Variants in IMMP2L observed in about 807,000 individuals in gnomAD.
The protein encoded by IMMP2L is inner mitochondrial membrane peptidase subunit 2.
A neutral mutation model predicts 19.3 loss-of-function variants in IMMP2L; 18 were observed. The observed-to-expected ratio is 0.93, with a 90% confidence interval of 0.64 to 1.38. The LOEUF (loss-of-function observed/expected upper bound fraction) is 1.38, where lower values mean the gene tolerates loss of function less well. IMMP2L is among the 40% of genes most tolerant of loss of function. The pLI is 0.00. For synonymous variants in IMMP2L, 76 were observed against 73.0 expected (o/e 1.04, Z -0.21); for missense variants, 233 against 218.2 (o/e 1.07, Z -0.43).
chr7:110,965,731 A>G (rs1259583509), intron 3 of IMMP2L, among the ~76,000 whole-genome samples: 3 of 151,972 alleles, frequency 2.0e-5, no homozygotes, highest in African/African-American at 7.2e-5. Context: ...AGTGGTCATC[A>G]AATAATTGCA....
At chr7:111,539,255 AAAG>A (rs1337510453) in intron 1 of IMMP2L, among the ~76,000 whole-genome samples, 1 of 146,056 alleles carries the variant, frequency 6.8e-6, no homozygotes, top group African/African-American at 2.5e-5. Flanking sequence ...AGAAAGAAAG[AAAG>A]AAAGAAAGAA....
rs928864450 is a variant in IMMP2L, at chr7:110,790,735, G to A, written c.408+95858C>T. 7.9e-5 allele frequency among the ~76,000 whole-genome samples: 12 copies of A among 151,598 alleles called. No homozygotes were observed. The South Asian group carries it at 1.5e-3, about 18-fold the overall frequency. On this transcript the variant is annotated intron_variant, in intron 5 of 5. Transcript: ENST00000405709. ...ATTTTAATATGATGAATTCAGAGCC[G>A]GCAAGCAAGTCCCAGAGCAATGTTC...
chr7:111,265,194 A>T (rs1233816034), intron 3 of IMMP2L, among the ~76,000 whole-genome samples: 1 of 152,200 alleles, frequency 6.6e-6, no homozygotes, highest in East Asian at 1.9e-4. Flanking sequence ...CCAGCTGCCC[A>T]CATAAATTCA....
intron 3 of IMMP2L, among the ~76,000 whole-genome samples, chr7:111,408,185 T>G (rs1834062151): frequency 6.7e-6 from 1 of 149,364 alleles, no homozygotes; most frequent in Non-Finnish European, 1.5e-5. Flanking sequence ...ACATGGTAAG[T>G]TCCCTGTAAG....
At chr7:110,979,692 C>A (rs10227711) in intron 3 of IMMP2L, among the ~76,000 whole-genome samples, 97,154 of 150,906 alleles carry the variant, frequency 0.64, 32,153 homozygotes, top group African/African-American at 0.79. Context: ...ACTTAAAAAA[C>A]AAAACAAAAA....
chr7:111,065,922 G>A (rs1016897277), intron 3 of IMMP2L, among the ~76,000 whole-genome samples: 40 of 151,456 alleles, frequency 2.6e-4, no homozygotes, highest in African/African-American at 8.5e-4. Flanking sequence ...GTGCGCGCGC[G>A]TGTATGCGCG....
chr7:110,678,657 A>G (rs1792491946), intron 5 of IMMP2L, among the ~76,000 whole-genome samples: 1 of 152,130 alleles, frequency 6.6e-6, no homozygotes, highest in Admixed American at 6.6e-5. Flanking sequence ...CAAAGGAGCC[A>G]AGTACCCCGA....
intron 3 of IMMP2L, among the ~76,000 whole-genome samples, chr7:111,468,544 G>C (rs1175273617): frequency 1.3e-5 from 2 of 152,060 alleles, no homozygotes; most frequent in Non-Finnish European, 2.9e-5. Context: ...AAAAGAGAAT[G>C]TCTAGAGTTA....
intron 3 of IMMP2L, among the ~76,000 whole-genome samples, chr7:111,126,791 A>C (rs1374894070): frequency 1.3e-5 from 2 of 152,204 alleles, no homozygotes; most frequent in Admixed American, 6.5e-5. Flanking sequence ...CAGTTTTTAT[A>C]GGCAAATTGT....
chr7:111,359,185 C>CA (rs1829019344), intron 3 of IMMP2L, among the ~76,000 whole-genome samples: 2 of 152,228 alleles, frequency 1.3e-5, no homozygotes, highest in South Asian at 4.1e-4. Context: ...GTCAGTGATA[C>CA]AAAAATTTGA....
At chr7:111,273,315 A>G (rs2130357616) in intron 3 of IMMP2L, among the ~76,000 whole-genome samples, 1 of 152,104 alleles carries the variant, frequency 6.6e-6, no homozygotes, top group East Asian at 1.9e-4. Flanking sequence ...ATGCCGAAAC[A>G]TTACTGGAAC....
chr7:111,544,644 C>G (rs898088973), intron 1 of IMMP2L, among the ~76,000 whole-genome samples: 1 of 152,014 alleles, frequency 6.6e-6, no homozygotes, highest in Non-Finnish European at 1.5e-5. Context: ...ATTCCATTGA[C>G]TGGGAAAAAT....
intron 3 of IMMP2L, among the ~76,000 whole-genome samples, chr7:111,310,905 A>T (rs1279027300): frequency 6.6e-6 from 1 of 152,330 alleles, no homozygotes; most frequent in African/African-American, 2.4e-5. Context: ...AATTTAAAAC[A>T]GAGCATTATG....
chr7:111,499,318 T>C (rs573956442), intron 2 of IMMP2L, among the ~76,000 whole-genome samples: 1 of 152,242 alleles, frequency 6.6e-6, no homozygotes, highest in African/African-American at 2.4e-5. Context: ...ACAGGGAATA[T>C]CAATGTAATA....
chr7:111,126,410 A>C (rs528464105), intron 3 of IMMP2L, among the ~76,000 whole-genome samples: 1 of 152,314 alleles, frequency 6.6e-6, no homozygotes, highest in African/African-American at 2.4e-5. Flanking sequence ...TATAAAAATG[A>C]CACAATTCAG....
chr7:111,332,901 G>A (rs139215233), intron 3 of IMMP2L, among the ~76,000 whole-genome samples: 28 of 152,158 alleles, frequency 1.8e-4, no homozygotes, highest in African/African-American at 6.0e-4. Flanking sequence ...CTGTCAACTT[G>A]ATTGGATTAA....
chr7:111,330,085 T>TTATGGATATTTATTAGTTTTG (rs1825727944), intron 3 of IMMP2L, among the ~76,000 whole-genome samples: 1 of 151,560 alleles, frequency 6.6e-6, no homozygotes, highest in Non-Finnish European at 1.5e-5. Context: ...AAATAAGAAT[T>TTATGGATATTTATTAGTTTTG]AAAAACTAAG....
chr7:110,682,804 C>G lies in IMMP2L; in HGVS notation c.409-19083G>C, dbSNP rs17157894. On this transcript the variant is annotated intron_variant, in intron 5 of 5. Coordinates refer to ENST00000405709, the MANE Select transcript of IMMP2L (RefSeq NM_032549.4). Reference sequence around the variant, plus strand: ...AGATTCAGGAGTTACCCAGTTGCACCCATGGGAACACAGTGCTCACAGAGG... The same window carrying G: ...AGATTCAGGAGTTACCCAGTTGCACGCATGGGAACACAGTGCTCACAGAGG... Among the ~76,000 whole-genome samples, 1,391 of 152,050 alleles carry G rather than the reference C, an allele frequency of 9.1e-3. 24 individuals carry two copies. The highest frequency in any genetic ancestry group is 0.031 in the African/African-American group (1,296 of 41,484).
At chr7:111,398,967 A>G (rs1338694782) in intron 3 of IMMP2L, among the ~76,000 whole-genome samples, 1 of 152,070 alleles carries the variant, frequency 6.6e-6, no homozygotes, top group Non-Finnish European at 1.5e-5. Flanking sequence ...TGCTGCTGAA[A>G]GAAATCACAG....
Sources: gnomAD v4.1 joint callset for allele counts (sites outside exome capture counted in the v4.1 genomes callset) on GRCh38, gnomAD v4.1.1 for gene constraint, MANE v1.5 for transcripts, NCBI Gene and HGNC (gene_info 2026-07-23, HGNC 2026-07-21) for gene names.